COL5A2: variants seen among roughly 807,000 people sequenced by gnomAD.
COL5A2 encodes collagen alpha-2(V) chain.
COL5A2 carries 23 observed loss-of-function variants against 208.2 expected under a neutral mutation model. The ratio of observed to expected loss-of-function variants is 0.11; its 90% CI spans 0.08 to 0.16. The LOEUF (loss-of-function observed/expected upper bound fraction) is 0.16. COL5A2 is among the 10% of genes least tolerant of loss of function. The pLI, the probability that COL5A2 is intolerant of heterozygous loss-of-function variation, is 1.00. For missense variants in COL5A2, 1,590 were observed against 1,956.4 expected, an observed-to-expected ratio of 0.81 and a Z score of 3.53; for synonymous variants, 625 against 628.5, an observed-to-expected ratio of 0.99 and a Z score of 0.08.
rs146347888 is a variant in COL5A2, at chr2:189,045,969, T to C, written c.3202-62A>G. ...TATTCTAAAACAACAATATTCCATA[T>C]GTTCATGTTATTCTTATAGTATTAA... On this transcript the variant is annotated intron_variant, in intron 45 of 53. Coordinates refer to ENST00000374866, the MANE Select transcript of COL5A2 (RefSeq NM_000393.5). The C allele has an allele frequency of 1.6e-3, 2,245 of 1,408,486 alleles. 23 individuals carry two copies. In the African/African-American group the frequency reaches 0.023, roughly 15 times the overall value. The allele number at this position is 1,408,486 out of a possible 1,614,324, so 87.2% of individuals were successfully genotyped here. A position where few individuals can be genotyped will look rare whatever the true frequency, so the allele number is the denominator to read the frequency against.
upstream of COL5A2, among the ~76,000 whole-genome samples, chr2:189,226,510 A>C (rs1479849214): frequency 6.6e-6 from 1 of 152,216 alleles, no homozygotes. Flanking sequence ...ATGTGATTGG[A>C]GGGAAACTAC....
intron 1 of COL5A2, among the ~76,000 whole-genome samples, chr2:189,218,809 T>C (rs754136503): frequency 6.6e-6 from 1 of 152,160 alleles, no homozygotes; most frequent in East Asian, 1.9e-4. Context: ...GTCAACAGTA[T>C]GCTTGATATT....
the COL5A2 span, among the ~76,000 whole-genome samples, chr2:189,404,446 C>A: frequency 1.3e-5 from 2 of 152,174 alleles, no homozygotes; most frequent in Non-Finnish European, 1.5e-5. Context: ...AAGCTGCCCA[C>A]CTCTACTCCA....
chr2:189,234,803 T>C, the COL5A2 span, among the ~76,000 whole-genome samples: 3 of 151,870 alleles, frequency 2.0e-5, no homozygotes, highest in African/African-American at 7.2e-5. Context: ...ACTTCCCAGG[T>C]TTAAGGTAAG....
chr2:189,081,076 G>A, intron 12 of COL5A2, 33 bp from the exon 13 acceptor site: 1 of 1,585,720 alleles, frequency 6.3e-7, no homozygotes, highest in Non-Finnish European at 8.7e-7. Context: ...GCATTTTACA[G>A]TCATTAATAA....
At chr2:189,383,153 C>A in the COL5A2 span, among the ~76,000 whole-genome samples, 1 of 152,100 alleles carries the variant, frequency 6.6e-6, no homozygotes, top group African/African-American at 2.4e-5. Flanking sequence ...GCTGACATAA[C>A]GAAATACCAC....
the COL5A2 span, among the ~76,000 whole-genome samples, chr2:189,234,155 G>A: frequency 6.6e-6 from 1 of 151,454 alleles, no homozygotes; most frequent in East Asian, 1.9e-4. Context: ...AGTTTATCAA[G>A]TTCAAGAATG....
chr2:189,276,448 G>T, the COL5A2 span, among the ~76,000 whole-genome samples: 1 of 152,128 alleles, frequency 6.6e-6, no homozygotes, highest in Admixed American at 6.6e-5. Flanking sequence ...GAGGTTAAGG[G>T]CATAGAAAAA....
upstream of COL5A2, among the ~76,000 whole-genome samples, chr2:189,183,072 C>G (rs1688804041): frequency 6.6e-6 from 1 of 152,164 alleles, no homozygotes; most frequent in Non-Finnish European, 1.5e-5. Flanking sequence ...TCTCTTTTTC[C>G]CTTCCATTCC....
At chr2:189,355,062 T>A in the COL5A2 span, among the ~76,000 whole-genome samples, 1 of 152,232 alleles carries the variant, frequency 6.6e-6, no homozygotes, top group Non-Finnish European at 1.5e-5. Context: ...AGGAGCAGGT[T>A]GTTCAATTTC....
the COL5A2 span, among the ~76,000 whole-genome samples, chr2:189,283,034 T>G: frequency 6.6e-6 from 1 of 152,150 alleles, no homozygotes; most frequent in Non-Finnish European, 1.5e-5. Flanking sequence ...CTACTCAATT[T>G]AACAAATATA....
the COL5A2 span, among the ~76,000 whole-genome samples, chr2:189,262,393 A>G: frequency 6.6e-6 from 1 of 151,890 alleles, no homozygotes; most frequent in African/African-American, 2.4e-5. Flanking sequence ...ACACATACAC[A>G]CTAGTTTACC....
At chr2:189,161,305 T>C (rs1395316887) in intron 1 of COL5A2, among the ~76,000 whole-genome samples, 1 of 152,066 alleles carries the variant, frequency 6.6e-6, no homozygotes, top group African/African-American at 2.4e-5. Context: ...AGCATTATAG[T>C]TATTTGTTAA....
chr2:189,251,379 T>C, the COL5A2 span, among the ~76,000 whole-genome samples: 1 of 152,112 alleles, frequency 6.6e-6, no homozygotes, highest in African/African-American at 2.4e-5. Context: ...ACCTACTGTG[T>C]TCCTAGAACT....
chr2:189,253,493 T>A, the COL5A2 span, among the ~76,000 whole-genome samples: 1 of 152,242 alleles, frequency 6.6e-6, no homozygotes, highest in Admixed American at 6.5e-5. Flanking sequence ...CTGTAAAACG[T>A]AGAGAGTCAG....
rs1686113908 is a variant in COL5A2, at chr2:189,064,885, G to C, written c.1617+119C>G. The C allele has an allele frequency of 1.3e-5, 13 of 991,530 alleles. No homozygotes were observed. In the South Asian group the frequency reaches 1.8e-4, roughly 14 times the overall value. The allele number at this position is 991,530 out of a possible 1,614,324, so 61.4% of individuals were successfully genotyped here. A position where few individuals can be genotyped will look rare whatever the true frequency, so the allele number is the denominator to read the frequency against. On this transcript the variant is annotated intron_variant, in intron 24 of 53. Transcript: ENST00000374866. ...AGGATTGGGGTTAGGCCTGGTATTT[G>C]TATCCATCTCCTTTCTGGATCTGAG...
intron 35 of COL5A2, among the ~76,000 whole-genome samples, chr2:189,056,220 C>T (rs1685897553): frequency 1.3e-5 from 2 of 152,142 alleles, no homozygotes; most frequent in South Asian, 4.1e-4. Context: ...CCAGGGCACA[C>T]ATGACAACTA....
the COL5A2 span, among the ~76,000 whole-genome samples, chr2:189,319,109 C>G: frequency 5.3e-5 from 8 of 152,062 alleles, no homozygotes; most frequent in African/African-American, 1.4e-4. Flanking sequence ...TATATTAAAA[C>G]AAACATGGAT....
At chr2:189,422,842 G>A in the COL5A2 span, among the ~76,000 whole-genome samples, 1 of 151,902 alleles carries the variant, frequency 6.6e-6, no homozygotes, top group African/African-American at 2.4e-5. Context: ...GACCAACATG[G>A]TGAAACCCCG....
Sources: gnomAD v4.1 joint callset for allele counts (sites outside exome capture counted in the v4.1 genomes callset) on GRCh38, gnomAD v4.1.1 for gene constraint, MANE v1.5 for transcripts, NCBI Gene and HGNC (gene_info 2026-07-23, HGNC 2026-07-21) for gene names.